The following COL18A1 variants were observed in gnomAD, a reference collection of about 807,000 sequenced individuals.
COL18A1 encodes collagen alpha-1(XVIII) chain.
A neutral mutation model predicts 168.0 loss-of-function variants in COL18A1; 133 were observed. That is an observed-to-expected ratio of 0.79 (90% CI 0.69 to 0.91). COL18A1 has a LOEUF of 0.91. Among genes scored for constraint, COL18A1 ranks in the 40% least tolerant of loss-of-function variants. The pLI is 0.00. For missense variants in COL18A1, 2,126 were observed against 1,925.4 expected (o/e 1.10, Z -1.95); for synonymous variants, 949 against 809.0 (o/e 1.17, Z -2.94).
intron 2 of COL18A1, among the ~76,000 whole-genome samples, chr21:45,409,553 C>G (rs1057202943): frequency 1.3e-5 from 2 of 152,142 alleles, no homozygotes; most frequent in Admixed American, 1.3e-4. Context: ...TGAGACCCGC[C>G]TGCTGGGAGC....
chr21:45,480,420 G>GT lies in COL18A1; in HGVS notation c.1399-47_1399-46insT, dbSNP rs781086926. On this transcript the variant is annotated intron_variant, in intron 11 of 41. Transcript: ENST00000651438. ...GGCAGGGGCCAGGAGTAGGCCAGGC[G>GT]GGGGGCCGAGCTCAGGGCAACGTGT... The GT allele has an allele frequency of 6.3e-5, 102 of 1,613,594 alleles. No individual in the cohort carries two copies. The South Asian group carries it at 1.0e-3, about 16-fold the overall frequency.
At chr21:45,408,724 A>AC (rs1192285626) in intron 2 of COL18A1, among the ~76,000 whole-genome samples, 2 of 151,594 alleles carry the variant, frequency 1.3e-5, no homozygotes, top group East Asian at 3.9e-4. Flanking sequence ...ACACCCTCCC[A>AC]CCCCCGCTCA....
chr21:45,504,169 G>C (rs565623379), intron 33 of COL18A1, 115 bp downstream of exon 33: 2 of 1,241,958 alleles, frequency 1.6e-6, no homozygotes, highest in Non-Finnish European at 2.4e-6. Flanking sequence ...TCAGCCCTGC[G>C]AGGGGCGCTG....
At chr21:45,466,312 G>A (rs2035209274) in intron 2 of COL18A1, among the ~76,000 whole-genome samples, 2 of 152,196 alleles carry the variant, frequency 1.3e-5, no homozygotes, top group Admixed American at 6.5e-5. Flanking sequence ...AGGGGCCTCT[G>A]TTAACACACA....
chr21:45,481,545 C>T (rs3818658), intron 13 of COL18A1, among the ~76,000 whole-genome samples: 10,589 of 152,324 alleles, frequency 0.07, 505 homozygotes, highest in Middle Eastern at 0.11. Flanking sequence ...CCAACCCTAC[C>T]GATGGGCATT....
intron 26 of COL18A1, chr21:45,493,799 C>T: frequency 1.7e-6 from 1 of 574,414 alleles, no homozygotes; most frequent in Non-Finnish European, 3.1e-6. Flanking sequence ...CTCCCTACCC[C>T]TGAGCCCACC....
intron 2 of COL18A1, chr21:45,422,771 G>T (rs369890417): frequency 2.3e-4 from 53 of 226,230 alleles, no homozygotes; most frequent in African/African-American, 1.2e-3. Flanking sequence ...CTGGTGGGTG[G>T]TGTCAGGAAG....
chr21:45,405,436 C>A lies in COL18A1; in HGVS notation c.69C>A (p.Val23=). 7.3e-7 allele frequency: 1 copy of A among 1,376,830 alleles called. No individual in the cohort carries two copies. Among genetic ancestry groups the A allele is most frequent in the Non-Finnish European group, 9.5e-7 (1 of 1,057,016 alleles). 85.3% of individuals were successfully genotyped at this position (1,376,830 alleles called of 1,614,324 possible). ...RRLLDVLAPL[V]LLLGVRAASA... ...TCCTGGACGTGCTCGCGCCCCTGGTCCTGCTGCTCGGGGTCCGCGCGGCCT... is the reference window on the plus strand; with the variant it reads ...TCCTGGACGTGCTCGCGCCCCTGGTACTGCTGCTCGGGGTCCGCGCGGCCT... The change falls in exon 2 of 42, where the codon GTC becomes GTA. Residue 23 remains valine (V), a synonymous_variant. Coordinates refer to ENST00000651438, the MANE Select transcript of COL18A1 (RefSeq NM_001379500.1).
intron 2 of COL18A1, among the ~76,000 whole-genome samples, chr21:45,448,221 C>T (rs568111964): frequency 2.0e-5 from 3 of 152,328 alleles, no homozygotes; most frequent in South Asian, 2.1e-4. Context: ...ACCTTCCATT[C>T]GACTCACAAG....
chr21:45,494,875 G>T lies in COL18A1; in HGVS notation c.2393G>T (p.Arg798Leu). 1 of 1,610,390 alleles carries T rather than the reference G, an allele frequency of 6.2e-7. No individual in the cohort carries two copies. The highest frequency in any genetic ancestry group is 1.7e-5 in the Admixed American group (1 of 59,810). Residue 798 changes from arginine (R) to leucine (L), a missense_variant, in exon 28 of 42, where the codon CGG (arginine) becomes CTG (leucine). Arg to Leu is a moderately radical substitution (Grantham distance 102). Transcript: ENST00000651438. Reference sequence around the variant, plus strand: ...TTCCTCTTGCAGGGTCCATACGGACGGCCGGGGTACAAGGGAGAGATTGGC... The same window carrying T: ...TTCCTCTTGCAGGGTCCATACGGACTGCCGGGGTACAAGGGAGAGATTGGC... ...GFRGPPGPYG[R>L]PGYKGEIGFP...
chr21:45,436,693 A>T, intron 2 of COL18A1, among the ~76,000 whole-genome samples: 1 of 138,920 alleles, frequency 7.2e-6, no homozygotes, highest in Non-Finnish European at 1.6e-5. Flanking sequence ...GAGGGAGCTG[A>T]GGCTGCTCAG....
intron 29 of COL18A1, 162 bp from the exon 30 acceptor site, chr21:45,496,336 CAG>C (rs912989466): frequency 4.6e-5 from 33 of 720,020 alleles, no homozygotes; most frequent in Non-Finnish European, 7.8e-5. Flanking sequence ...TTCCTGTCCT[CAG>C]GGAGCCGTGG....
intron 6 of COL18A1, among the ~76,000 whole-genome samples, chr21:45,476,969 G>A (rs912721873): frequency 1.3e-5 from 2 of 151,842 alleles, no homozygotes; most frequent in Non-Finnish European, 2.9e-5. Context: ...GGGAGATGCC[G>A]AGGCCCGGAT....
In COL18A1 at chr21:45,513,665, T is replaced by C. The variant is rs1339095645; in HGVS notation, c.*1267T>C. Reference sequence around the variant, plus strand: ...AAACCGGTGGGGCTGGTTCTGTAATTGTGTGTGATGTGAAGCCAATTCAGA... The same window carrying C: ...AAACCGGTGGGGCTGGTTCTGTAATCGTGTGTGATGTGAAGCCAATTCAGA... On this transcript the variant is annotated 3_prime_UTR_variant, in exon 42 of 42. Transcript: ENST00000651438. 2.0e-5 allele frequency: 3 copies of C among 152,210 alleles called. No homozygotes were observed. The highest frequency in any genetic ancestry group is 7.2e-5 in the African/African-American group (3 of 41,450). The allele number at this position is 152,210 out of a possible 1,614,324, so 9.4% of individuals were successfully genotyped here.
chr21:45,456,186 C>G, intron 2 of COL18A1: 1 of 1,598,378 alleles, frequency 6.3e-7, no homozygotes, highest in Non-Finnish European at 8.5e-7. Context: ...GGTAGAGCTT[C>G]TCTCTCCTCC....
In COL18A1 at chr21:45,513,489, G is replaced by A. The variant is rs918790378; in HGVS notation, c.*1091G>A. 4 of 152,230 alleles carry A rather than the reference G, an allele frequency of 2.6e-5. No homozygotes were observed. Among genetic ancestry groups the A allele is most frequent in the Admixed American group, 1.3e-4 (2 of 15,288 alleles). The allele number at this position is 152,230 out of a possible 1,614,324, so 9.4% of individuals were successfully genotyped here. A position where few individuals can be genotyped will look rare whatever the true frequency, so the allele number is the denominator to read the frequency against. On this transcript the variant is annotated 3_prime_UTR_variant, in exon 42 of 42. Transcript: ENST00000651438. ...CTGCGGGTGAACAAAGCAGCCACGA[G>A]GTGCAACAAGGTCCTCTGTCAGTCA...
Position 45,507,603 on chromosome 21 carries a change from C to T in COL18A1, c.3249+10C>T. ...ACTCCCACGAGGGACGGTAAGGAGCCTTTTTTCTGTTGAGACTGGTGGGTG... is the reference window on the plus strand; with the variant it reads ...ACTCCCACGAGGGACGGTAAGGAGCTTTTTTTCTGTTGAGACTGGTGGGTG... On this transcript the variant is annotated intron_variant, in intron 38 of 41. Coordinates refer to ENST00000651438, the MANE Select transcript of COL18A1 (RefSeq NM_001379500.1). 6.2e-7 allele frequency: 1 copy of T among 1,612,612 alleles called. No homozygotes were observed. Among genetic ancestry groups the T allele is most frequent in the Non-Finnish European group, 8.5e-7 (1 of 1,179,466 alleles).
At chr21:45,428,064 A>C (rs80106045) in intron 2 of COL18A1, among the ~76,000 whole-genome samples, 2,471 of 152,262 alleles carry the variant, frequency 0.016, 63 homozygotes, top group East Asian at 0.092. Context: ...GCCCGTCGGC[A>C]CCACCTCCTC....
intron 13 of COL18A1, among the ~76,000 whole-genome samples, chr21:45,481,733 C>T (rs992861812): frequency 2.6e-5 from 4 of 152,242 alleles, no homozygotes; most frequent in East Asian, 1.9e-4. Flanking sequence ...AGCATCTTCC[C>T]GCCGTGGTGC....
Sources: allele counts gnomAD v4.1 joint callset (sites outside exome capture counted in the v4.1 genomes callset), GRCh38; gene constraint gnomAD v4.1.1; transcripts MANE v1.5; gene names NCBI Gene and HGNC (gene_info 2026-07-23, HGNC 2026-07-21).